Variants in ZNF121 observed in about 807,000 individuals in gnomAD.
ZNF121 encodes zinc finger protein 121, also known as zinc finger protein 121 (clone ZHC32).
A neutral mutation model predicts 2.4 loss-of-function variants in ZNF121; 1 was observed. The ratio of observed to expected loss-of-function variants is 0.41; its 90% CI spans 0.15 to 1.94. ZNF121 has a LOEUF of 1.94. Among genes scored for constraint, ZNF121 ranks in the 30% most tolerant of loss-of-function variants. The pLI is 0.30. For synonymous variants in ZNF121, 173 were observed against 158.6 expected, an observed-to-expected ratio of 1.09 and a Z score of -0.68; for missense variants, 369 against 466.3, an observed-to-expected ratio of 0.79 and a Z score of 1.92.
At chr19:9,580,335 G>T (rs892061165) in intron 1 of ZNF121, among the ~76,000 whole-genome samples, 15 of 151,664 alleles carry the variant, frequency 9.9e-5, no homozygotes, top group Non-Finnish European at 5.9e-5. Context: ...TCCCTTGTCT[G>T]GATCATGTAA....
At chr19:9,582,830 TG>T (rs1175108949) in intron 1 of ZNF121, among the ~76,000 whole-genome samples, 1 of 147,784 alleles carries the variant, frequency 6.8e-6, no homozygotes, top group East Asian at 2.0e-4. Flanking sequence ...CAGAAAAAAA[TG>T]TCAAAACTAC....
chr19:9,567,239 C>T, intron 3 of ZNF121, 130 bp from the exon 4 acceptor site: 1 of 744,938 alleles, frequency 1.3e-6, no homozygotes, highest in South Asian at 2.0e-5. Context: ...ACAGTTGCTG[C>T]CCCATGTATT....
rs539494032 is a variant in ZNF121 at position 9,565,317 on chromosome 19, T to C, written c.*623A>G. The C allele has an allele frequency of 4.3e-5, 5 of 115,284 alleles. No individual in the cohort carries two copies. The South Asian group carries it at 1.5e-3, about 34-fold the overall frequency. The allele number at this position is 115,284 out of a possible 1,614,324, so 7.1% of individuals were successfully genotyped here. On this transcript the variant is annotated 3_prime_UTR_variant, in exon 4 of 4. Transcript: ENST00000320451. Reference sequence around the variant, plus strand: ...ATGTTGGATTGTGACCACAATCCAATCCCTTGAGAAAAGAATGTGTATTAA... The same window carrying C: ...ATGTTGGATTGTGACCACAATCCAACCCCTTGAGAAAAGAATGTGTATTAA...
Position 9,565,930 on chromosome 19 carries a change from G to C in ZNF121, c.*10C>G, listed in dbSNP as rs749744949. On this transcript the variant is annotated 3_prime_UTR_variant, in exon 4 of 4. Transcript: ENST00000320451. ...AAGATTTCCACATTCCTTACATTCA[G>C]AGTTTTTCTTCAGTGTGTTTTTAAA... 11 of 1,519,438 alleles carry C rather than the reference G, an allele frequency of 7.2e-6. No individual in the cohort carries two copies. In the Admixed American group the frequency reaches 1.3e-4, roughly 18 times the overall value. The allele number at this position is 1,519,438 out of a possible 1,614,324, so 94.1% of individuals were successfully genotyped here.
chr19:9,575,927 C>T (rs2144818115), intron 1 of ZNF121, among the ~76,000 whole-genome samples: 1 of 152,040 alleles, frequency 6.6e-6, no homozygotes, highest in Non-Finnish European at 1.5e-5. Flanking sequence ...TTTCAACACC[C>T]CACTCTCGGT....
In ZNF121 at chr19:9,565,577, A is replaced by G. The variant is rs112137687; in HGVS notation, c.*363T>C. On this transcript the variant is annotated 3_prime_UTR_variant, in exon 4 of 4. Transcript: ENST00000320451. ...CCAAGCTACTTGAAGGCTGAGGCAG[A>G]ATCGCCTGAACCCAGGAGACAAAGG... 0.02 allele frequency: 3,114 copies of G among 152,110 alleles called. 115 individuals are homozygous for G. The highest frequency in any genetic ancestry group is 0.071 in the African/African-American group (2,949 of 41,528). 9.4% of individuals were successfully genotyped at this position (152,110 alleles called of 1,614,324 possible).
intron 1 of ZNF121, among the ~76,000 whole-genome samples, chr19:9,578,980 CAA>C (rs746310089): frequency 0.011 from 911 of 86,074 alleles, 16 homozygotes; most frequent in African/African-American, 0.028. Flanking sequence ...AACTTGATAG[CAA>C]AAAAAAAAAA....
At position 9,563,174 on chromosome 19, in the gene ZNF121, C is replaced by A. The variant is rs2074110935; in HGVS notation, c.*2766G>T. 6.6e-6 allele frequency: 1 copy of A among 151,498 alleles called. No homozygotes were observed. 9.4% of individuals were successfully genotyped at this position (151,498 alleles called of 1,614,324 possible). A position where few individuals can be genotyped will look rare whatever the true frequency, so the allele number is the denominator to read the frequency against. On this transcript the variant is annotated 3_prime_UTR_variant, in exon 4 of 4. Transcript: ENST00000320451. ...AAAGTGCTACTCCAGTGAACACACA[C>A]ATAATAAGAAAGGAAAACAGCCTCA...
intron 1 of ZNF121, among the ~76,000 whole-genome samples, chr19:9,582,606 A>G (rs1249264177): frequency 1.3e-5 from 2 of 152,102 alleles, no homozygotes; most frequent in African/African-American, 4.8e-5. Context: ...GCTCATACAA[A>G]GCCTGTTTGG....
intron 1 of ZNF121, among the ~76,000 whole-genome samples, chr19:9,572,964 AT>A (rs2074184317): frequency 6.6e-6 from 1 of 152,182 alleles, no homozygotes; most frequent in African/African-American, 2.4e-5. Flanking sequence ...GCAGTAAGCC[AT>A]GGTCACACCA....
Position 9,568,178 on chromosome 19 carries a change from G to T in ZNF121, c.-78-3C>A. 1 of 1,402,048 alleles carries T rather than the reference G, an allele frequency of 7.1e-7. No individual in the cohort carries two copies. The highest frequency in any genetic ancestry group is 9.6e-7 in the Non-Finnish European group (1 of 1,044,610). The allele number at this position is 1,402,048 out of a possible 1,614,324, so 86.9% of individuals were successfully genotyped here. ...CACTTTGGTTTTAACTTGCCATTCT[G>T]AAGTAAAACAGAAAAAAAGAAAAAA... On this transcript the variant is annotated splice_region_variant and splice_polypyrimidine_tract_variant and intron_variant, in intron 2 of 3. Coordinates refer to ENST00000320451, the MANE Select transcript of ZNF121 (RefSeq NM_001008727.5).
intron 1 of ZNF121, among the ~76,000 whole-genome samples, chr19:9,576,072 G>T (rs1172642668): frequency 6.6e-6 from 1 of 152,100 alleles, no homozygotes; most frequent in Admixed American, 6.5e-5. Flanking sequence ...CTCAGCATAT[G>T]GAATATTCTC....
Position 9,565,916 on chromosome 19 carries a change from ATTCC to A in ZNF121, c.*20_*23del. The stretch of plus-strand genomic sequence containing the variant: ...TGAGAAATTCCTAAAAGATTTCCAC[ATTCC>A]TTACATTCAGAGTTTTTCTTCAGTG... On this transcript the variant is annotated 3_prime_UTR_variant, in exon 4 of 4. Transcript: ENST00000320451. The A allele has an allele frequency of 2.0e-6, 3 of 1,485,450 alleles. No individual in the cohort carries two copies. The highest frequency in any genetic ancestry group is 2.7e-6 in the Non-Finnish European group (3 of 1,106,978). 92.0% of individuals were successfully genotyped at this position (1,485,450 alleles called of 1,614,324 possible). A position where few individuals can be genotyped will look rare whatever the true frequency, so the allele number is the denominator to read the frequency against.
chr19:9,573,330 CAAA>C (rs1308869131), intron 1 of ZNF121, among the ~76,000 whole-genome samples: 3 of 152,018 alleles, frequency 2.0e-5, no homozygotes, highest in African/African-American at 7.2e-5. Context: ...TTAACAACAA[CAAA>C]AAAGAGAAAT....
chr19:9,564,425 A>C lies in ZNF121; in HGVS notation c.*1515T>G, dbSNP rs1012622034. ...AAAAATAAAAACCAACATTAACCAG[A>C]GTTTGGAAGAAGTTGATTCCAACCT... On this transcript the variant is annotated 3_prime_UTR_variant, in exon 4 of 4. Coordinates refer to ENST00000320451, the MANE Select transcript of ZNF121 (RefSeq NM_001008727.5). The C allele has an allele frequency of 9.2e-5, 14 of 152,132 alleles. No homozygotes were observed. The highest frequency in any genetic ancestry group is 3.4e-4 in the African/African-American group (14 of 41,422). The allele number at this position is 152,132 out of a possible 1,614,324, so 9.4% of individuals were successfully genotyped here. A position where few individuals can be genotyped will look rare whatever the true frequency, so the allele number is the denominator to read the frequency against.
At chr19:9,581,401 C>T (rs985035514) in intron 1 of ZNF121, among the ~76,000 whole-genome samples, 5 of 151,540 alleles carry the variant, frequency 3.3e-5, no homozygotes, top group Non-Finnish European at 5.9e-5. Flanking sequence ...AGGGTGGGCA[C>T]GTAGAAGAAA....
chr19:9,571,696 A>T (rs2074175387), intron 1 of ZNF121, among the ~76,000 whole-genome samples: 1 of 152,232 alleles, frequency 6.6e-6, no homozygotes, highest in African/African-American at 2.4e-5. Flanking sequence ...CCACACTAGT[A>T]CACTATGTTG....
intron 1 of ZNF121, among the ~76,000 whole-genome samples, chr19:9,581,088 C>T (rs1448450860): frequency 1.3e-5 from 2 of 151,986 alleles, no homozygotes; most frequent in Non-Finnish European, 2.9e-5. Context: ...TTACACACAC[C>T]ATGAGAATCC....
At chr19:9,577,715 A>T (rs1008682593) in intron 1 of ZNF121, among the ~76,000 whole-genome samples, 2 of 152,084 alleles carry the variant, frequency 1.3e-5, no homozygotes, top group Non-Finnish European at 2.9e-5. Context: ...TGCAATCACA[A>T]AAGACCTCAA....
Sources: allele counts gnomAD v4.1 joint callset (sites outside exome capture counted in the v4.1 genomes callset), GRCh38; gene constraint gnomAD v4.1.1; transcripts MANE v1.5; gene names NCBI Gene and HGNC (gene_info 2026-07-23, HGNC 2026-07-21).